Variants in TIMMDC1 observed in about 807,000 individuals in gnomAD.
The protein encoded by TIMMDC1 is translocase of inner mitochondrial membrane domain containing 1.
In TIMMDC1, 25 loss-of-function variants were observed where a neutral mutation model predicts 32.6. The ratio of observed to expected loss-of-function variants is 0.77; its 90% CI spans 0.56 to 1.07. TIMMDC1 has a LOEUF of 1.07. Ranked by LOEUF, TIMMDC1 falls within the 50% of genes least tolerant of loss-of-function variation. TIMMDC1 has a pLI of 0.00. For missense variants in TIMMDC1, 329 were observed against 349.2 expected (o/e 0.94, Z 0.46); for synonymous variants, 130 against 127.6 (o/e 1.02, Z -0.13).
intron 2 of TIMMDC1, 69 bp downstream of exon 2, chr3:119,500,929 C>A: frequency 6.7e-7 from 1 of 1,485,466 alleles, no homozygotes; most frequent in Non-Finnish European, 9.2e-7. Flanking sequence ...CTTAATCATT[C>A]AATTAGGTTG....
intron 4 of TIMMDC1, among the ~76,000 whole-genome samples, chr3:119,511,364 A>G (rs2081951109): frequency 6.6e-6 from 1 of 152,008 alleles, no homozygotes; most frequent in Admixed American, 6.6e-5. Flanking sequence ...AGTCCCAGCT[A>G]CTTGGGAGAC....
At chr3:119,517,594 T>C (rs1164127510) in intron 6 of TIMMDC1, among the ~76,000 whole-genome samples, 4 of 152,216 alleles carry the variant, frequency 2.6e-5, no homozygotes, top group African/African-American at 7.2e-5. Flanking sequence ...GTTTTTTCTT[T>C]TCCTGTGTTC....
intron 6 of TIMMDC1, 126 bp downstream of exon 6, chr3:119,517,441 T>G (rs2081993330): frequency 1.6e-6 from 1 of 630,692 alleles, no homozygotes; most frequent in Non-Finnish European, 2.9e-6. Flanking sequence ...TTTTACCAAG[T>G]CCTTCAACTC....
chr3:119,508,005 G>A (rs1249668480), intron 4 of TIMMDC1, among the ~76,000 whole-genome samples: 1 of 152,154 alleles, frequency 6.6e-6, no homozygotes, highest in Non-Finnish European at 1.5e-5. Flanking sequence ...ATATTCCCCA[G>A]GCTGGTTAAT....
chr3:119,520,500 T>C (rs1296146800), intron 6 of TIMMDC1, among the ~76,000 whole-genome samples: 2 of 152,198 alleles, frequency 1.3e-5, no homozygotes, highest in Non-Finnish European at 2.9e-5. Flanking sequence ...AATGGATACA[T>C]TCCTGAGCCC....
At chr3:119,512,041 T>G (rs1405047768) in intron 4 of TIMMDC1, among the ~76,000 whole-genome samples, 2 of 152,228 alleles carry the variant, frequency 1.3e-5, no homozygotes, top group Non-Finnish European at 2.9e-5. Context: ...ATTTCATTTC[T>G]GTGAGTTTGT....
rs751607218 is a variant in TIMMDC1 at position 119,498,785 on chromosome 3, C to T, written c.52C>T (p.Leu18=). 9.9e-6 allele frequency: 16 copies of T among 1,614,110 alleles called. No homozygotes were observed. In the East Asian group the frequency reaches 3.1e-4, roughly 31 times the overall value. The change falls in exon 1 of 7, where the codon CTA becomes TTA. Residue 18 remains leucine, a synonymous_variant. Coordinates refer to ENST00000494664, the MANE Select transcript of TIMMDC1 (RefSeq NM_016589.4). ...GAGCTTTCTCTGTAGAGCATTGTGCCTATTTCCCCGAGTCTTTGCTGCCGA... is the reference window on the plus strand; with the variant it reads ...GAGCTTTCTCTGTAGAGCATTGTGCTTATTTCCCCGAGTCTTTGCTGCCGA... ...PRSFLCRALC[L]FPRVFAAEAV...
chr3:119,513,803 G>T, intron 5 of TIMMDC1, 84 bp downstream of exon 5: 2 of 879,768 alleles, frequency 2.3e-6, no homozygotes, highest in Non-Finnish European at 1.7e-6. Flanking sequence ...TATTTTCAAA[G>T]AACAAATTTA....
intron 6 of TIMMDC1, among the ~76,000 whole-genome samples, chr3:119,522,796 A>ATGGG (rs1209244526): frequency 7.2e-6 from 1 of 138,450 alleles, no homozygotes; most frequent in Non-Finnish European, 1.6e-5. Flanking sequence ...ATATACACGT[A>ATGGG]TGGGTGTTTG....
chr3:119,499,071 A>G (rs2081847534), intron 1 of TIMMDC1, 144 bp downstream of exon 1: 1 of 650,094 alleles, frequency 1.5e-6, no homozygotes, highest in Non-Finnish European at 2.6e-6. Context: ...TTTGTAACCC[A>G]AGCTTGTATC....
At chr3:119,519,443 A>G (rs545857415) in intron 6 of TIMMDC1, among the ~76,000 whole-genome samples, 10 of 152,194 alleles carry the variant, frequency 6.6e-5, no homozygotes, top group Non-Finnish European at 1.3e-4. Flanking sequence ...GAAACCATAA[A>G]TGAGCAGGAA....
At chr3:119,519,574 T>C (rs1420128577) in intron 6 of TIMMDC1, among the ~76,000 whole-genome samples, 1 of 152,112 alleles carries the variant, frequency 6.6e-6, no homozygotes, top group Non-Finnish European at 1.5e-5. Context: ...TAAATATATA[T>C]GCACCCAACA....
chr3:119,515,811 G>A (rs1231435094), intron 5 of TIMMDC1, among the ~76,000 whole-genome samples: 1 of 152,180 alleles, frequency 6.6e-6, no homozygotes, highest in Non-Finnish European at 1.5e-5. Context: ...TAGAAAGGTG[G>A]TTGTAAATGT....
intron 6 of TIMMDC1, among the ~76,000 whole-genome samples, chr3:119,518,883 C>A (rs1477728954): frequency 9.8e-6 from 1 of 101,592 alleles, no homozygotes; most frequent in East Asian, 4.3e-4. Context: ...AAGGAAAAAA[C>A]AAACAAACAG....
chr3:119,508,323 C>G (rs998149627), intron 4 of TIMMDC1, among the ~76,000 whole-genome samples: 1 of 152,184 alleles, frequency 6.6e-6, no homozygotes, highest in Non-Finnish European at 1.5e-5. Flanking sequence ...ATGGAGGCTT[C>G]TGCTCGTGGG....
At chr3:119,520,106 A>C (rs947389894) in intron 6 of TIMMDC1, among the ~76,000 whole-genome samples, 2 of 152,188 alleles carry the variant, frequency 1.3e-5, no homozygotes, top group African/African-American at 4.8e-5. Context: ...GATACAGCAA[A>C]AGCATCACTA....
At position 119,503,628 on chromosome 3, in the gene TIMMDC1, C is replaced by A. The variant is rs373861098; in HGVS notation, c.449+8C>A. Reference sequence around the variant, plus strand: ...GTTTGTGACTATATTCAAGTAAGTTCACTCTGAATTGTGAGATAGTGAATT... The same window carrying A: ...GTTTGTGACTATATTCAAGTAAGTTAACTCTGAATTGTGAGATAGTGAATT... On this transcript the variant is annotated splice_region_variant and intron_variant, in intron 3 of 6. Coordinates refer to ENST00000494664, the MANE Select transcript of TIMMDC1 (RefSeq NM_016589.4). 32 of 1,592,540 alleles carry A rather than the reference C, an allele frequency of 2.0e-5. No homozygotes were observed. Among genetic ancestry groups the A allele is most frequent in the Non-Finnish European group, 2.6e-5 (30 of 1,168,194 alleles).
intron 2 of TIMMDC1, among the ~76,000 whole-genome samples, chr3:119,502,887 C>A (rs771077717): frequency 1.3e-5 from 2 of 152,158 alleles, no homozygotes; most frequent in Non-Finnish European, 2.9e-5. Flanking sequence ...ATGATTCTTC[C>A]TGTAACAATT....
intron 3 of TIMMDC1, 39 bp downstream of exon 3, chr3:119,503,659 G>T: frequency 6.6e-7 from 1 of 1,514,712 alleles, no homozygotes; most frequent in South Asian, 1.2e-5. Flanking sequence ...GAATTTTCTT[G>T]ATATTGTTTT....
Sources: gnomAD v4.1 joint callset for allele counts (sites outside exome capture counted in the v4.1 genomes callset) on GRCh38, gnomAD v4.1.1 for gene constraint, MANE v1.5 for transcripts, NCBI Gene and HGNC (gene_info 2026-07-23, HGNC 2026-07-21) for gene names.